The following CCDC112 variants were observed in gnomAD, a reference collection of about 807,000 sequenced individuals.
The protein encoded by CCDC112 is coiled-coil domain containing 112.
Under a neutral mutation model 66.3 loss-of-function variants are expected in CCDC112, and 40 were observed. The ratio of observed to expected loss-of-function variants is 0.60; its 90% CI spans 0.47 to 0.79. CCDC112 has a LOEUF of 0.79. Among genes scored for constraint, CCDC112 ranks in the 30% least tolerant of loss-of-function variants. The pLI, the probability that CCDC112 is intolerant of heterozygous loss-of-function variation, is 0.00. For missense variants in CCDC112, 659 were observed against 603.8 expected (o/e 1.09, Z -0.96); for synonymous variants, 214 against 197.2 (o/e 1.09, Z -0.71).
At chr5:115,268,121 C>G (rs969149610) in intron 9 of CCDC112, among the ~76,000 whole-genome samples, 4 of 152,086 alleles carry the variant, frequency 2.6e-5, no homozygotes, top group African/African-American at 9.7e-5. Context: ...ACAGACAAAC[C>G]AATCAGTTAA....
intron 1 of CCDC112, among the ~76,000 whole-genome samples, chr5:115,286,522 G>C (rs868458624): frequency 2.2e-4 from 33 of 152,158 alleles, no homozygotes; most frequent in African/African-American, 7.7e-4. Flanking sequence ...ATGTTTTAAT[G>C]TGAATGCATG....
intron 7 of CCDC112, among the ~76,000 whole-genome samples, chr5:115,270,468 TTATA>T (rs1191317167): frequency 1.3e-5 from 2 of 152,192 alleles, no homozygotes; most frequent in East Asian, 3.8e-4. Context: ...AGCATTTTTC[TTATA>T]TATGTTTGTT....
intron 3 of CCDC112, among the ~76,000 whole-genome samples, chr5:115,278,196 A>G (rs1749290939): frequency 6.6e-6 from 1 of 152,178 alleles, no homozygotes; most frequent in Non-Finnish European, 1.5e-5. Flanking sequence ...GCTTCATTTT[A>G]GCCTTAGTTT....
intron 7 of CCDC112, among the ~76,000 whole-genome samples, chr5:115,270,471 T>C (rs1251426554): frequency 1.3e-5 from 2 of 152,200 alleles, no homozygotes; most frequent in East Asian, 1.9e-4. Context: ...ATTTTTCTTA[T>C]ATATGTTTGT....
intron 2 of CCDC112, among the ~76,000 whole-genome samples, chr5:115,284,226 A>G (rs1284542159): frequency 6.6e-6 from 1 of 152,174 alleles, no homozygotes; most frequent in Admixed American, 6.5e-5. Context: ...TAAGAAGAAC[A>G]ATGGCTTTCA....
intron 6 of CCDC112, among the ~76,000 whole-genome samples, chr5:115,274,442 TC>T (rs1170678842): frequency 1.3e-5 from 2 of 152,094 alleles, no homozygotes; most frequent in Admixed American, 6.5e-5. Flanking sequence ...ACATTTTGAG[TC>T]TTTAAAATAA....
At chr5:115,282,197 G>T (rs1341194808) in intron 2 of CCDC112, among the ~76,000 whole-genome samples, 1 of 152,138 alleles carries the variant, frequency 6.6e-6, no homozygotes, top group Non-Finnish European at 1.5e-5. Flanking sequence ...GACAGGAAAA[G>T]ATCTCCAAGA....
intron 1 of CCDC112, among the ~76,000 whole-genome samples, chr5:115,287,481 A>G (rs1265978875): frequency 6.6e-6 from 1 of 152,180 alleles, no homozygotes; most frequent in Non-Finnish European, 1.5e-5. Flanking sequence ...CAAAATAAAA[A>G]TGGAGTTACT....
chr5:115,274,936 T>C (rs992142401), intron 6 of CCDC112, among the ~76,000 whole-genome samples: 1 of 151,974 alleles, frequency 6.6e-6, no homozygotes, highest in South Asian at 2.1e-4. Context: ...AGAGACAGGG[T>C]TTTGCCATGT....
At chr5:115,285,482 A>G (rs1749637117) in intron 1 of CCDC112, among the ~76,000 whole-genome samples, 1 of 152,120 alleles carries the variant, frequency 6.6e-6, no homozygotes, top group East Asian at 1.9e-4. Flanking sequence ...GAGCAGTAGG[A>G]AAGTGTGTTC....
At chr5:115,294,759 T>C (rs757627795) in intron 1 of CCDC112, among the ~76,000 whole-genome samples, 1 of 152,180 alleles carries the variant, frequency 6.6e-6, no homozygotes, top group Non-Finnish European at 1.5e-5. Flanking sequence ...GCTGTAGAAT[T>C]TGTGTGTATA....
intron 6 of CCDC112, among the ~76,000 whole-genome samples, chr5:115,273,269 T>C (rs1580795741): frequency 1.3e-5 from 2 of 152,264 alleles, no homozygotes; most frequent in East Asian, 3.9e-4. Context: ...GAGAACAAGA[T>C]AAGCAAAGGC....
At chr5:115,294,273 T>C (rs903378902) in intron 1 of CCDC112, among the ~76,000 whole-genome samples, 1 of 152,190 alleles carries the variant, frequency 6.6e-6, no homozygotes, top group Non-Finnish European at 1.5e-5. Context: ...GAAGGCCTGA[T>C]CCCCAAATAA....
At chr5:115,271,168 C>G (rs756386379) in intron 7 of CCDC112, 45 bp downstream of exon 7, 1 of 1,517,150 alleles carries the variant, frequency 6.6e-7, no homozygotes, top group Non-Finnish European at 8.8e-7. Context: ...AGTAATACCT[C>G]CATGTGTAGC....
At chr5:115,283,748 T>C (rs267299) in intron 2 of CCDC112, among the ~76,000 whole-genome samples, 1 of 151,994 alleles carries the variant, frequency 6.6e-6, no homozygotes, top group Non-Finnish European at 1.5e-5. Context: ...TTTCTAAATA[T>C]AGACCTGCCA....
In CCDC112 at chr5:115,267,281, C is replaced by T. The variant is rs972100653; in HGVS notation, c.*595G>A. 19 of 151,982 alleles carry T rather than the reference C, an allele frequency of 1.3e-4. No individual in the cohort carries two copies. The highest frequency in any genetic ancestry group is 4.3e-4 in the African/African-American group (18 of 41,434). The allele number at this position is 151,982 out of a possible 1,614,324, so 9.4% of individuals were successfully genotyped here. On this transcript the variant is annotated 3_prime_UTR_variant, in exon 10 of 10. Coordinates refer to ENST00000379611, the MANE Select transcript of CCDC112 (RefSeq NM_001040440.3). Reference sequence around the variant, plus strand: ...CTGAAGGAAACCAAAAAGATTATATCAATAATACAATTAATAGGGTATATG... The same window carrying T: ...CTGAAGGAAACCAAAAAGATTATATTAATAATACAATTAATAGGGTATATG...
chr5:115,286,994 T>A (rs111872288), intron 1 of CCDC112, among the ~76,000 whole-genome samples: 53 of 152,294 alleles, frequency 3.5e-4, no homozygotes, highest in African/African-American at 1.2e-3. Flanking sequence ...AAAAGTCCCT[T>A]ATTAGACATA....
intron 2 of CCDC112, among the ~76,000 whole-genome samples, chr5:115,282,119 C>A (rs1749482148): frequency 6.6e-6 from 1 of 152,072 alleles, no homozygotes; most frequent in Non-Finnish European, 1.5e-5. Context: ...TAAATATGGG[C>A]AGGTTAAATA....
At chr5:115,279,566 A>C (rs1205039655) in intron 3 of CCDC112, 81 bp downstream of exon 3, 3 of 1,342,980 alleles carry the variant, frequency 2.2e-6, no homozygotes, top group Middle Eastern at 2.4e-4. Context: ...CAATACAGTC[A>C]ATGCACAAAG....
Sources: gnomAD v4.1 joint callset for allele counts (sites outside exome capture counted in the v4.1 genomes callset) on GRCh38, gnomAD v4.1.1 for gene constraint, MANE v1.5 for transcripts, NCBI Gene and HGNC (gene_info 2026-07-23, HGNC 2026-07-21) for gene names.